CDH12: variants seen among roughly 807,000 people sequenced by gnomAD.
CDH12 encodes the protein cadherin-12.
In CDH12, 41 loss-of-function variants were observed where a neutral mutation model predicts 74.1. The ratio of observed to expected loss-of-function variants is 0.55; its 90% CI spans 0.43 to 0.72. CDH12 has a LOEUF of 0.72. Ranked by LOEUF, CDH12 falls within the 30% of genes least tolerant of loss-of-function variation. CDH12 has a pLI of 0.00. For synonymous variants in CDH12, 399 were observed against 355.0 expected (o/e 1.12, Z -1.39); for missense variants, 945 against 977.2 (o/e 0.97, Z 0.44).
At chr5:22,166,772 T>G (rs71609264) in intron 4 of CDH12, among the ~76,000 whole-genome samples, 1 of 152,206 alleles carries the variant, frequency 6.6e-6, no homozygotes. Context: ...TTGAGATACA[T>G]TGTTAATTCA....
chr5:22,420,996 T>C (rs897345679), intron 2 of CDH12, among the ~76,000 whole-genome samples: 7 of 152,126 alleles, frequency 4.6e-5, no homozygotes, highest in Admixed American at 4.6e-4. Flanking sequence ...TGCTTGTCTA[T>C]TGTTGATGTA....
chr5:22,148,351 A>T (rs1344338976), intron 4 of CDH12, among the ~76,000 whole-genome samples: 1 of 151,954 alleles, frequency 6.6e-6, no homozygotes, highest in Non-Finnish European at 1.5e-5. Flanking sequence ...GTTGTGCATT[A>T]TATGTTGCTA....
At chr5:22,588,045 T>G (rs1740501393) in intron 1 of CDH12, among the ~76,000 whole-genome samples, 1 of 149,864 alleles carries the variant, frequency 6.7e-6, no homozygotes. Flanking sequence ...CACACATATA[T>G]ATGTGTGTAT....
intron 1 of CDH12, among the ~76,000 whole-genome samples, chr5:22,511,187 G>A (rs763292909): frequency 6.6e-6 from 1 of 152,144 alleles, no homozygotes; most frequent in Admixed American, 6.5e-5. Context: ...GAGCCACCAT[G>A]GCTGGCCAAC....
chr5:21,984,504 T>G (rs1757433265), intron 5 of CDH12, among the ~76,000 whole-genome samples: 1 of 152,276 alleles, frequency 6.6e-6, no homozygotes, highest in South Asian at 2.1e-4. Context: ...GCCCTCTCAG[T>G]GTAAACACTC....
At chr5:22,798,391 A>G (rs1345404071) in intron 1 of CDH12, among the ~76,000 whole-genome samples, 1 of 152,190 alleles carries the variant, frequency 6.6e-6, no homozygotes, top group Non-Finnish European at 1.5e-5. Flanking sequence ...CATATCATAT[A>G]TATTTTTTAA....
intron 1 of CDH12, among the ~76,000 whole-genome samples, chr5:22,647,611 T>A (rs1054630700): frequency 1.3e-5 from 2 of 151,864 alleles, no homozygotes; most frequent in South Asian, 4.2e-4. Flanking sequence ...GTAAGGACTT[T>A]GATCTCATAG....
chr5:21,909,476 T>C lies in CDH12; in HGVS notation c.527-54686A>G, dbSNP rs1200325481. ...TTTTGCATTGTTCATTAGTGAGAAA[T>C]GTAACGAGTTGTCACATATTACAAT... is the stretch of plus-strand genomic sequence containing the variant. On this transcript the variant is annotated intron_variant, in intron 6 of 14. Coordinates refer to ENST00000382254, the MANE Select transcript of CDH12 (RefSeq NM_004061.5). Among the ~76,000 whole-genome samples, 8 of 152,126 alleles carry C rather than the reference T, an allele frequency of 5.3e-5. No homozygotes were observed. In the East Asian group the frequency reaches 1.5e-3, roughly 29 times the overall value.
At chr5:22,687,912 G>C (rs1580888661) in intron 1 of CDH12, among the ~76,000 whole-genome samples, 1 of 152,070 alleles carries the variant, frequency 6.6e-6, no homozygotes, top group East Asian at 1.9e-4. Context: ...CACAAAATAA[G>C]CTCTGTCTCT....
At chr5:21,830,313 A>C (rs1748943796) in intron 8 of CDH12, among the ~76,000 whole-genome samples, 1 of 151,542 alleles carries the variant, frequency 6.6e-6, no homozygotes, top group Non-Finnish European at 1.5e-5. Context: ...TCTCCACTCA[A>C]GCACGTTGAA....
chr5:22,228,407 C>A (rs1402950002), intron 3 of CDH12, among the ~76,000 whole-genome samples: 1 of 151,998 alleles, frequency 6.6e-6, no homozygotes, highest in East Asian at 1.9e-4. Context: ...GACTATGAAG[C>A]TTTGCATAAT....
At chr5:22,456,709 T>C (rs1745290640) in intron 2 of CDH12, among the ~76,000 whole-genome samples, 1 of 152,146 alleles carries the variant, frequency 6.6e-6, no homozygotes, top group Admixed American at 6.5e-5. Flanking sequence ...ATAATATAAA[T>C]AAATTAGCTC....
intron 6 of CDH12, among the ~76,000 whole-genome samples, chr5:21,880,563 CCTTCTTTCT>C (rs143634770): frequency 0.013 from 261 of 20,464 alleles, 17 homozygotes; most frequent in African/African-American, 0.016. Context: ...TCCTTCCTTC[CCTTCTTTCT>C]TTCCTTCCTT....
chr5:22,090,868 T>A (rs1743377921), intron 4 of CDH12, among the ~76,000 whole-genome samples: 1 of 152,034 alleles, frequency 6.6e-6, no homozygotes, highest in Non-Finnish European at 1.5e-5. Flanking sequence ...ATGTATTTGA[T>A]AATTTTCAAT....
intron 4 of CDH12, among the ~76,000 whole-genome samples, chr5:22,125,028 T>C (rs1745764200): frequency 1.3e-5 from 2 of 152,232 alleles, no homozygotes; most frequent in Admixed American, 1.3e-4. Flanking sequence ...GCACCTGTCC[T>C]TGCTTCAAGG....
chr5:22,036,013 GT>G (rs1739155825), intron 5 of CDH12, among the ~76,000 whole-genome samples: 1 of 152,100 alleles, frequency 6.6e-6, no homozygotes, highest in Non-Finnish European at 1.5e-5. Context: ...ACTCCCTACA[GT>G]TGGGTGAATG....
chr5:22,224,759 T>A (rs1752137023), intron 3 of CDH12, among the ~76,000 whole-genome samples: 1 of 151,958 alleles, frequency 6.6e-6, no homozygotes, highest in Non-Finnish European at 1.5e-5. Context: ...GAATAGTACA[T>A]CTCTTTTCCT....
chr5:22,628,480 A>G (rs1399595618), intron 1 of CDH12, among the ~76,000 whole-genome samples: 1 of 152,128 alleles, frequency 6.6e-6, no homozygotes, highest in Non-Finnish European at 1.5e-5. Flanking sequence ...AAATTAAACA[A>G]TCTGCTCCTG....
intron 3 of CDH12, among the ~76,000 whole-genome samples, chr5:22,243,374 G>C (rs1437649670): frequency 6.6e-6 from 1 of 152,090 alleles, no homozygotes; most frequent in Non-Finnish European, 1.5e-5. Flanking sequence ...TAAGGGAAGA[G>C]ATTAAGAGTA....
Sources: allele counts gnomAD v4.1 joint callset (sites outside exome capture counted in the v4.1 genomes callset), GRCh38; gene constraint gnomAD v4.1.1; transcripts MANE v1.5; gene names NCBI Gene and HGNC (gene_info 2026-07-23, HGNC 2026-07-21).